Variants in PXDNL observed in about 807,000 individuals in gnomAD.
The protein encoded by PXDNL is peroxidasin like, also known as probable oxidoreductase PXDNL.
In PXDNL, 145 loss-of-function variants were observed where a neutral mutation model predicts 150.8. The ratio of observed to expected loss-of-function variants is 0.96; its 90% confidence interval spans 0.84 to 1.10. PXDNL has a LOEUF of 1.10. PXDNL is among the 50% of genes least tolerant of loss of function. The pLI is 0.00. For missense variants in PXDNL, 2,087 were observed against 1,873.9 expected (o/e 1.11, Z -2.10); for synonymous variants, 757 against 725.7 (o/e 1.04, Z -0.69).
intron 1 of PXDNL, among the ~76,000 whole-genome samples, chr8:51,668,103 G>T (rs1400064035): frequency 6.6e-6 from 1 of 151,302 alleles, no homozygotes; most frequent in African/African-American, 2.4e-5. Context: ...CGACCAGCTG[G>T]GTATTTTGAT....
chr8:51,740,965 C>T (rs926918905), intron 1 of PXDNL, among the ~76,000 whole-genome samples: 8 of 152,186 alleles, frequency 5.3e-5, no homozygotes, highest in African/African-American at 1.4e-4. Flanking sequence ...CAGGTTGATG[C>T]TAGCCTCATA....
intron 3 of PXDNL, among the ~76,000 whole-genome samples, chr8:51,567,633 C>T (rs976697643): frequency 6.6e-6 from 1 of 151,686 alleles, no homozygotes; most frequent in African/African-American, 2.4e-5. Flanking sequence ...TTCTCCATCT[C>T]TTTATTTTTA....
At chr8:51,648,111 A>G (rs887725891) in intron 2 of PXDNL, among the ~76,000 whole-genome samples, 1 of 152,180 alleles carries the variant, frequency 6.6e-6, no homozygotes, top group African/African-American at 2.4e-5. Flanking sequence ...TGTCACTCTT[A>G]CAGTACAACT....
intron 4 of PXDNL, among the ~76,000 whole-genome samples, chr8:51,542,162 G>A (rs1053470833): frequency 7.3e-6 from 1 of 136,518 alleles, no homozygotes; most frequent in Non-Finnish European, 1.6e-5. Context: ...GGAAAAAAAG[G>A]AGTATCCTCA....
intron 11 of PXDNL, 86 bp from the exon 12 acceptor site, chr8:51,447,248 CCTGT>C (rs777933590): frequency 2.8e-6 from 4 of 1,425,206 alleles, no homozygotes; most frequent in Non-Finnish European, 3.8e-6. Flanking sequence ...AAGGGTGAGG[CCTGT>C]CTTTCAGGAA....
At chr8:51,652,140 A>G (rs1334725301) in intron 2 of PXDNL, among the ~76,000 whole-genome samples, 1 of 152,162 alleles carries the variant, frequency 6.6e-6, no homozygotes, top group Non-Finnish European at 1.5e-5. Flanking sequence ...AAATAGAATC[A>G]CCAGATGCTT....
At chr8:51,691,072 C>T (rs545697964) in intron 1 of PXDNL, among the ~76,000 whole-genome samples, 1 of 152,254 alleles carries the variant, frequency 6.6e-6, no homozygotes, top group South Asian at 2.1e-4. Flanking sequence ...GATATTAGCC[C>T]TTTGTCAGAT....
intron 6 of PXDNL, among the ~76,000 whole-genome samples, chr8:51,479,868 G>C (rs1388680216): frequency 6.6e-6 from 1 of 152,162 alleles, no homozygotes; most frequent in Admixed American, 6.5e-5. Context: ...AGATAGATTA[G>C]ATAGACAGAT....
chr8:51,703,951 G>GA (rs891188359), intron 1 of PXDNL, among the ~76,000 whole-genome samples: 24 of 152,104 alleles, frequency 1.6e-4, no homozygotes, highest in Admixed American at 1.5e-3. Flanking sequence ...TTTTAGTTGG[G>GA]AAAAAAACTA....
intron 17 of PXDNL, among the ~76,000 whole-genome samples, chr8:51,390,573 CATG>C (rs1807861922): frequency 6.6e-6 from 1 of 151,970 alleles, no homozygotes; most frequent in Non-Finnish European, 1.5e-5. Flanking sequence ...TATAAATTTG[CATG>C]ATAACAGTTA....
chr8:51,781,404 T>C (rs2037413768), intron 1 of PXDNL, among the ~76,000 whole-genome samples: 1 of 152,200 alleles, frequency 6.6e-6, no homozygotes, highest in South Asian at 2.1e-4. Flanking sequence ...ATAAAAGAGC[T>C]GCTGATTCAA....
chr8:51,331,582 A>C (rs2130644984), intron 21 of PXDNL, among the ~76,000 whole-genome samples: 1 of 152,160 alleles, frequency 6.6e-6, no homozygotes, highest in East Asian at 1.9e-4. Context: ...AAAGCCTGAA[A>C]GCTTCTGGCA....
chr8:51,537,377 C>T (rs1812102522), intron 4 of PXDNL, among the ~76,000 whole-genome samples: 1 of 152,206 alleles, frequency 6.6e-6, no homozygotes, highest in Non-Finnish European at 1.5e-5. Context: ...GAAAAGGAAA[C>T]TTAATCAGAA....
chr8:51,517,500 G>T (rs1486498919), intron 4 of PXDNL, among the ~76,000 whole-genome samples: 1 of 152,118 alleles, frequency 6.6e-6, no homozygotes, highest in Non-Finnish European at 1.5e-5. Flanking sequence ...AGACACAATT[G>T]ACTATGTCTT....
chr8:51,435,914 T>C (rs1302768668), intron 12 of PXDNL: 6 of 482,034 alleles, frequency 1.2e-5, no homozygotes, highest in Non-Finnish European at 2.1e-5. Flanking sequence ...AATTTGAGAT[T>C]AGTGAGTTCT....
At chr8:51,711,007 A>G (rs367791033) in intron 1 of PXDNL, among the ~76,000 whole-genome samples, 12 of 152,354 alleles carry the variant, frequency 7.9e-5, no homozygotes, top group African/African-American at 2.9e-4. Context: ...AGAACTGAAA[A>G]TCCAGAGAAA....
chr8:51,593,468 A>G (rs1315478019), intron 2 of PXDNL, among the ~76,000 whole-genome samples: 2 of 152,202 alleles, frequency 1.3e-5, no homozygotes, highest in Non-Finnish European at 2.9e-5. Flanking sequence ...TGAATATTCT[A>G]TGTCTAAAAC....
At chr8:51,323,549 A>G (rs1805389509) in intron 21 of PXDNL, among the ~76,000 whole-genome samples, 1 of 152,160 alleles carries the variant, frequency 6.6e-6, no homozygotes, top group Non-Finnish European at 1.5e-5. Flanking sequence ...TTGGCTTCCC[A>G]AAGTGCTGGG....
At chr8:51,343,510 A>G (rs997093327) in intron 20 of PXDNL, among the ~76,000 whole-genome samples, 1 of 152,232 alleles carries the variant, frequency 6.6e-6, no homozygotes, top group Non-Finnish European at 1.5e-5. Context: ...AAATAAAATT[A>G]GCCAATCTTT....
Sources: allele counts gnomAD v4.1 joint callset (sites outside exome capture counted in the v4.1 genomes callset), GRCh38; gene constraint gnomAD v4.1.1; transcripts MANE v1.5; gene names NCBI Gene and HGNC (gene_info 2026-07-23, HGNC 2026-07-21).